The following XKR4 variants were observed in gnomAD, a reference collection of about 807,000 sequenced individuals.
XKR4 encodes the protein XK related 4.
In XKR4, 12 loss-of-function variants were observed where a neutral mutation model predicts 53.9. That is an observed-to-expected ratio of 0.22 (90% CI 0.14 to 0.36). The LOEUF (loss-of-function observed/expected upper bound fraction) is 0.36. XKR4 is among the 10% of genes least tolerant of loss of function. The probability of loss-of-function intolerance (pLI) is 1.00; values close to 1 mark genes in which losing one functional copy is unlikely to be tolerated. For missense variants in XKR4, 799 were observed against 859.5 expected (o/e 0.93, Z 0.88); for synonymous variants, 354 against 362.4 (o/e 0.98, Z 0.26).
chr8:55,416,489 T>A (rs539390767), intron 2 of XKR4, among the ~76,000 whole-genome samples: 1 of 152,266 alleles, frequency 6.6e-6, no homozygotes, highest in African/African-American at 2.4e-5. Flanking sequence ...TGCTCAAGGA[T>A]CTGGCCAGAT....
intron 2 of XKR4, among the ~76,000 whole-genome samples, chr8:55,421,841 C>A (rs901446872): frequency 6.6e-6 from 1 of 152,188 alleles, no homozygotes; most frequent in Admixed American, 6.5e-5. Context: ...AAGAATGAGA[C>A]ACTAGGGAAG....
chr8:55,454,964 G>T, intron 2 of XKR4: 2 of 859,910 alleles, frequency 2.3e-6, no homozygotes, highest in East Asian at 2.4e-5. Flanking sequence ...GAAGGTCGGT[G>T]GATTCCTCTC....
intron 2 of XKR4, among the ~76,000 whole-genome samples, chr8:55,391,912 T>C (rs1351727873): frequency 1.3e-5 from 2 of 152,172 alleles, no homozygotes; most frequent in Admixed American, 1.3e-4. Context: ...ACTTTAATAG[T>C]CAATTTTGTA....
intron 2 of XKR4, among the ~76,000 whole-genome samples, chr8:55,385,287 CT>C (rs1483609820): frequency 6.6e-6 from 1 of 152,176 alleles, no homozygotes; most frequent in African/African-American, 2.4e-5. Flanking sequence ...TGCGGACAGG[CT>C]TCAGAACTCC....
intron 2 of XKR4, among the ~76,000 whole-genome samples, chr8:55,462,066 G>C (rs1429000093): frequency 6.6e-6 from 1 of 152,140 alleles, no homozygotes; most frequent in Non-Finnish European, 1.5e-5. Flanking sequence ...TATTATCCAG[G>C]AGAACTTCCC....
rs940919698 is a variant in XKR4 at position 55,322,520 on chromosome 8, C to G, written c.807-35158C>G. On this transcript the variant is annotated intron_variant, in intron 1 of 2. Transcript: ENST00000327381. Reference sequence around the variant, plus strand: ...TGCTTGAAATTGTGAAACCATAAGGCAGAAGCATTTCTAAATTTGCCTGAT... The same window carrying G: ...TGCTTGAAATTGTGAAACCATAAGGGAGAAGCATTTCTAAATTTGCCTGAT... 3.9e-5 allele frequency among the ~76,000 whole-genome samples: 6 copies of G among 152,298 alleles called. No individual in the cohort carries two copies. In the South Asian group the frequency reaches 8.3e-4, roughly 21 times the overall value.
intron 2 of XKR4, among the ~76,000 whole-genome samples, chr8:55,496,823 C>G (rs1585606307): frequency 6.6e-6 from 1 of 152,312 alleles, no homozygotes; most frequent in Middle Eastern, 3.4e-3. Context: ...GACATATTTT[C>G]ATAAATTATA....
rs796623851 is a variant in XKR4 at position 55,528,199 on chromosome 8, C to T, written c.*3972C>T. The T allele has an allele frequency of 5.9e-5, 9 of 152,328 alleles. No individual in the cohort carries two copies. The highest frequency in any genetic ancestry group is 2.0e-4 in the Admixed American group (3 of 15,306). The allele number at this position is 152,328 out of a possible 1,614,324, so 9.4% of individuals were successfully genotyped here. On this transcript the variant is annotated 3_prime_UTR_variant, in exon 3 of 3. Coordinates refer to ENST00000327381, the MANE Select transcript of XKR4 (RefSeq NM_052898.2). ...TCCATCTATAAGACCAACACACTTACGAACTTCAGTTGGAAATACCTAAAT... is the reference window on the plus strand; with the variant it reads ...TCCATCTATAAGACCAACACACTTATGAACTTCAGTTGGAAATACCTAAAT...
At chr8:55,492,967 A>C (rs1806292267) in intron 2 of XKR4, among the ~76,000 whole-genome samples, 1 of 152,216 alleles carries the variant, frequency 6.6e-6, no homozygotes, top group South Asian at 2.1e-4. Context: ...TGGCTCAGAC[A>C]GGGCAGATGT....
Position 55,440,550 on chromosome 8 carries a change from G to A in XKR4, c.1006+82673G>A, listed in dbSNP as rs924447912. On this transcript the variant is annotated intron_variant, in intron 2 of 2. Transcript: ENST00000327381. Reference sequence around the variant, plus strand: ...TAAATATGCACATGAAGATTTCTAAGACAATCTCTAAAAGAATACAAATAG... The same window carrying A: ...TAAATATGCACATGAAGATTTCTAAAACAATCTCTAAAAGAATACAAATAG... 1.2e-4 allele frequency among the ~76,000 whole-genome samples: 18 copies of A among 151,844 alleles called. No homozygotes were observed. The South Asian group carries it at 2.9e-3, about 25-fold the overall frequency.
chr8:55,292,986 A>G (rs955513352), intron 1 of XKR4, among the ~76,000 whole-genome samples: 8 of 152,148 alleles, frequency 5.3e-5, no homozygotes, highest in African/African-American at 1.7e-4. Flanking sequence ...TATTACATTC[A>G]GAGGACATAC....
intron 2 of XKR4, among the ~76,000 whole-genome samples, chr8:55,373,643 A>G (rs1379547896): frequency 1.3e-5 from 2 of 152,328 alleles, no homozygotes; most frequent in South Asian, 2.1e-4. Context: ...TAAAATTCAT[A>G]TTTTAAAAAA....
chr8:55,141,671 C>CTCTCTCTCTCTCTCTCTCTCTCTG (rs748708972), intron 1 of XKR4, among the ~76,000 whole-genome samples: 3,931 of 134,340 alleles, frequency 0.029, 152 homozygotes, highest in Admixed American at 0.04. Flanking sequence ...CTCTCTCTCT[C>CTCTCTCTCTCTCTCTCTCTCTCTG]TGTGTGTGTG....
chr8:55,457,433 T>G (rs1805587529), intron 2 of XKR4, among the ~76,000 whole-genome samples: 1 of 152,220 alleles, frequency 6.6e-6, no homozygotes, highest in African/African-American at 2.4e-5. Context: ...TGAGCCACCG[T>G]GCCTGGCTTT....
At chr8:55,124,622 G>A (rs1816436779) in intron 1 of XKR4, among the ~76,000 whole-genome samples, 1 of 152,180 alleles carries the variant, frequency 6.6e-6, no homozygotes, top group Non-Finnish European at 1.5e-5. Context: ...GGAGCTTTCA[G>A]CATCTCAATA....
Position 55,541,830 on chromosome 8 carries a change from C to CG in XKR4, c.*17606dup, listed in dbSNP as rs1807105432. ...CAGATTGTAAGTGTGTCTTTATTCGCGGGAGGCCACTGTCAGCAGGCAGTG... is the reference window on the plus strand; with the variant it reads ...CAGATTGTAAGTGTGTCTTTATTCGCGGGGAGGCCACTGTCAGCAGGCAGTG... On this transcript the variant is annotated 3_prime_UTR_variant, in exon 3 of 3. Coordinates refer to ENST00000327381, the MANE Select transcript of XKR4 (RefSeq NM_052898.2). 1 of 152,028 alleles carries CG rather than the reference C, an allele frequency of 6.6e-6. No homozygotes were observed. Among genetic ancestry groups the CG allele is most frequent in the South Asian group, 2.1e-4 (1 of 4,824 alleles). 9.4% of individuals were successfully genotyped at this position (152,028 alleles called of 1,614,324 possible).
chr8:55,446,245 A>T (rs1245534351), intron 2 of XKR4, among the ~76,000 whole-genome samples: 1 of 152,214 alleles, frequency 6.6e-6, no homozygotes, highest in Admixed American at 6.5e-5. Flanking sequence ...GCTTTTATCC[A>T]CATGTTACAA....
At chr8:55,167,393 T>A (rs537299621) in intron 1 of XKR4, among the ~76,000 whole-genome samples, 6 of 152,212 alleles carry the variant, frequency 3.9e-5, no homozygotes, top group Non-Finnish European at 7.3e-5. Flanking sequence ...ATGTGTCACA[T>A]CCAGGCTCAG....
intron 1 of XKR4, among the ~76,000 whole-genome samples, chr8:55,347,210 G>A (rs1442800954): frequency 6.6e-6 from 1 of 152,194 alleles, no homozygotes; most frequent in Non-Finnish European, 1.5e-5. Context: ...GTTTCAGTCT[G>A]AACTTAGTGA....
Sources: allele counts gnomAD v4.1 joint callset (sites outside exome capture counted in the v4.1 genomes callset), GRCh38; gene constraint gnomAD v4.1.1; transcripts MANE v1.5; gene names NCBI Gene and HGNC (gene_info 2026-07-23, HGNC 2026-07-21).